HDAC9: variants seen among roughly 807,000 people sequenced by gnomAD.
HDAC9 encodes MEF-2 interacting transcription repressor (MITR) protein.
Under a neutral mutation model 139.4 loss-of-function variants are expected in HDAC9, and 41 were observed. That is an observed-to-expected ratio of 0.29 (90% confidence interval 0.23 to 0.38). The LOEUF (loss-of-function observed/expected upper bound fraction) is 0.38. Ranked by LOEUF, HDAC9 falls within the 10% of genes least tolerant of loss-of-function variation. HDAC9 has a pLI of 1.00. For synonymous variants in HDAC9, 517 were observed against 476.2 expected (o/e 1.09, Z -1.12); for missense variants, 1,147 against 1,297.0 (o/e 0.88, Z 1.78).
chr7:18,718,617 C>A (rs867381785), intron 12 of HDAC9, among the ~76,000 whole-genome samples: 50 of 152,096 alleles, frequency 3.3e-4, no homozygotes, highest in African/African-American at 1.1e-3. Flanking sequence ...TTCCTTCTTA[C>A]GGCTAGATAA....
chr7:18,784,543 T>A (rs1454542357), intron 16 of HDAC9, among the ~76,000 whole-genome samples: 1 of 151,880 alleles, frequency 6.6e-6, no homozygotes, highest in African/African-American at 2.4e-5. Flanking sequence ...CACCAGGTGC[T>A]TGCCCCAGAC....
intron 1 of HDAC9, among the ~76,000 whole-genome samples, chr7:18,440,095 A>G (rs1385011519): frequency 6.6e-6 from 1 of 152,062 alleles, no homozygotes; most frequent in African/African-American, 2.4e-5. Flanking sequence ...AAATTCCTGT[A>G]TGGTATAAAT....
chr7:18,868,857 CT>C (rs1798691101), intron 21 of HDAC9, among the ~76,000 whole-genome samples: 1 of 152,016 alleles, frequency 6.6e-6, no homozygotes, highest in Non-Finnish European at 1.5e-5. Flanking sequence ...TGTCCTGAAG[CT>C]TTCATAAAAA....
intron 22 of HDAC9, among the ~76,000 whole-genome samples, chr7:18,931,890 C>T (rs1261771148): frequency 6.6e-6 from 1 of 152,056 alleles, no homozygotes; most frequent in African/African-American, 2.4e-5. Context: ...TCAGGGCAGT[C>T]ATTGATTCTG....
At chr7:18,777,024 A>G (rs1295116544) in intron 16 of HDAC9, among the ~76,000 whole-genome samples, 1 of 151,748 alleles carries the variant, frequency 6.6e-6, no homozygotes, top group Admixed American at 6.6e-5. Context: ...TTGAATTTCT[A>G]GGCACACGCT....
intron 8 of HDAC9, among the ~76,000 whole-genome samples, chr7:18,641,230 T>G (rs1324971721): frequency 6.6e-6 from 1 of 152,124 alleles, no homozygotes; most frequent in Non-Finnish European, 1.5e-5. Context: ...ATATTATTTA[T>G]GAGATGCCCC....
intron 16 of HDAC9, 145 bp downstream of exon 16, chr7:18,767,300 G>A: frequency 2.1e-6 from 1 of 486,722 alleles, no homozygotes; most frequent in South Asian, 4.2e-5. Context: ...GCAGAGCTAA[G>A]TGCCAAGTAA....
rs919951074 is a variant in HDAC9 at position 18,952,436 on chromosome 7, G to C, written c.2938-1710G>C. Among the ~76,000 whole-genome samples the C allele has an allele frequency of 2.0e-5, 3 of 152,032 alleles. No homozygotes were observed. In the South Asian group the frequency reaches 6.2e-4, roughly 31 times the overall value. Reference sequence around the variant, plus strand: ...TCAGGATTTTTACCCCAAAGTCACAGGGAAGCTTTTTGAAGAGCTAAATAA... The same window carrying C: ...TCAGGATTTTTACCCCAAAGTCACACGGAAGCTTTTTGAAGAGCTAAATAA... On this transcript the variant is annotated intron_variant, in intron 23 of 25. Transcript: ENST00000686413.
At chr7:18,537,821 T>A (rs1393479774) in intron 2 of HDAC9, among the ~76,000 whole-genome samples, 1 of 152,218 alleles carries the variant, frequency 6.6e-6, no homozygotes, top group African/African-American at 2.4e-5. Context: ...CCACAGACAT[T>A]GAAAATCTTG....
intron 16 of HDAC9, among the ~76,000 whole-genome samples, chr7:18,783,340 T>C (rs7798677): frequency 0.78 from 118,721 of 152,024 alleles, 47,127 homozygotes; most frequent in Non-Finnish European, 0.85. Flanking sequence ...AATTATTATG[T>C]GGTAAGGGGC....
chr7:18,742,905 C>A (rs1039935316), intron 13 of HDAC9, among the ~76,000 whole-genome samples: 27 of 152,216 alleles, frequency 1.8e-4, no homozygotes, highest in South Asian at 4.1e-4. Context: ...AGTTCTATCT[C>A]TGCCTTTAGC....
At chr7:18,748,888 T>C in intron 13 of HDAC9, 117 bp from the exon 14 acceptor site, 1 of 986,728 alleles carries the variant, frequency 1.0e-6, no homozygotes, top group Non-Finnish European at 1.5e-6. Context: ...TATTTCCTCC[T>C]TTGTTAAATT....
At chr7:18,357,986 A>G (rs1001280582) in intron 1 of HDAC9, among the ~76,000 whole-genome samples, 11 of 152,178 alleles carry the variant, frequency 7.2e-5, no homozygotes, top group Non-Finnish European at 1.0e-4. Context: ...TGGTTTCTCT[A>G]TGGAGATTGG....
In HDAC9 at chr7:18,591,587, A is replaced by C. The variant is rs1410934368; in HGVS notation, c.487A>C (p.Thr163Pro). Residue 163 changes from threonine to proline, a missense_variant, in exon 5 of 26, where the codon ACT (threonine) becomes CCT (proline). Transcript: ENST00000686413. ...FLLSKSATKD[T>P]PTNGKNHSVS... ...ACTGAGTAAATCAGCAACGAAAGAC[A>C]CTCCAACTAATGGAAAAAATCATTC... 1 of 1,613,296 alleles carries C rather than the reference A, an allele frequency of 6.2e-7. No homozygotes were observed. The highest frequency in any genetic ancestry group is 8.5e-7 in the Non-Finnish European group (1 of 1,179,724).
chr7:18,477,365 CT>C (rs1162792196), intron 1 of HDAC9, among the ~76,000 whole-genome samples: 1 of 152,068 alleles, frequency 6.6e-6, no homozygotes, highest in African/African-American at 2.4e-5. Context: ...TAAGCAAAGG[CT>C]GACAAACAGG....
chr7:18,330,223 C>A (rs1800811397), intron 1 of HDAC9, among the ~76,000 whole-genome samples: 2 of 151,564 alleles, frequency 1.3e-5, no homozygotes, highest in Non-Finnish European at 3.0e-5. Context: ...ATTCTTCACA[C>A]TTTAGTGAAG....
chr7:18,918,042 C>T, intron 22 of HDAC9, among the ~76,000 whole-genome samples: 1 of 151,956 alleles, frequency 6.6e-6, no homozygotes, highest in East Asian at 1.9e-4. Flanking sequence ...GGAGGAGAAA[C>T]CGAGGATGAC....
intron 2 of HDAC9, among the ~76,000 whole-genome samples, chr7:18,267,791 A>G (rs1336065703): frequency 6.6e-6 from 1 of 152,016 alleles, no homozygotes; most frequent in Non-Finnish European, 1.5e-5. Context: ...TATTTACTTC[A>G]TTTCCTTTTG....
intron 17 of HDAC9, among the ~76,000 whole-genome samples, chr7:18,812,955 C>A (rs978453187): frequency 3.3e-5 from 5 of 152,052 alleles, no homozygotes; most frequent in Non-Finnish European, 7.4e-5. Flanking sequence ...CTTTTCATTT[C>A]ACACATTGTA....
Sources: allele counts gnomAD v4.1 joint callset (sites outside exome capture counted in the v4.1 genomes callset), GRCh38; gene constraint gnomAD v4.1.1; transcripts MANE v1.5; gene names NCBI Gene and HGNC (gene_info 2026-07-23, HGNC 2026-07-21).